Variants in SPIDR observed in about 807,000 individuals in gnomAD.
SPIDR encodes DNA repair-scaffolding protein.
Under a neutral mutation model 104.6 loss-of-function variants are expected in SPIDR, and 93 were observed. The ratio of observed to expected loss-of-function variants is 0.89; its 90% CI spans 0.75 to 1.06. The LOEUF is 1.06. SPIDR is among the 50% of genes least tolerant of loss of function. SPIDR has a pLI of 0.00. For missense variants in SPIDR, 1,154 were observed against 1,111.2 expected, an observed-to-expected ratio of 1.04 and a Z score of -0.55; for synonymous variants, 431 against 416.9, an observed-to-expected ratio of 1.03 and a Z score of -0.41.
chr8:47,653,720 A>C (rs906255104), intron 10 of SPIDR, among the ~76,000 whole-genome samples: 2 of 152,312 alleles, frequency 1.3e-5, no homozygotes, highest in Middle Eastern at 3.4e-3. Context: ...TCTATAATGC[A>C]TAAGTCTCTG....
At chr8:47,562,138 C>T (rs1319305415) in intron 8 of SPIDR, among the ~76,000 whole-genome samples, 2 of 152,214 alleles carry the variant, frequency 1.3e-5, no homozygotes, top group Non-Finnish European at 2.9e-5. Context: ...TAGTTAACAG[C>T]TATAGCCCTA....
At chr8:47,382,446 C>T (rs1554645949) in intron 5 of SPIDR, among the ~76,000 whole-genome samples, 1 of 152,170 alleles carries the variant, frequency 6.6e-6, no homozygotes, top group East Asian at 1.9e-4. Flanking sequence ...TGGAATCTCG[C>T]TCTGTTGCCA....
At chr8:47,262,789 T>C (rs2032837018) in intron 1 of SPIDR, among the ~76,000 whole-genome samples, 1 of 152,194 alleles carries the variant, frequency 6.6e-6, no homozygotes, top group Admixed American at 6.5e-5. Flanking sequence ...TTCCACAGTA[T>C]TTCCCAGGAA....
At chr8:47,296,308 C>T (rs2154242056) in intron 5 of SPIDR, among the ~76,000 whole-genome samples, 1 of 152,180 alleles carries the variant, frequency 6.6e-6, no homozygotes, top group East Asian at 1.9e-4. Context: ...GTTGTCAGTG[C>T]TTTTAGGGTA....
intron 5 of SPIDR, among the ~76,000 whole-genome samples, chr8:47,366,562 T>G (rs2057249182): frequency 6.6e-6 from 1 of 152,144 alleles, no homozygotes; most frequent in East Asian, 1.9e-4. Flanking sequence ...GTTGTTAAGA[T>G]TGGTTGTTGA....
At chr8:47,592,406 G>A in intron 8 of SPIDR, 1 of 1,418,630 alleles carries the variant, frequency 7.0e-7, no homozygotes, top group Non-Finnish European at 1.0e-6. Context: ...CATACTGTAG[G>A]GGCTGCCATT....
chr8:47,302,273 C>G (rs1193880152), intron 5 of SPIDR, among the ~76,000 whole-genome samples: 5 of 152,182 alleles, frequency 3.3e-5, no homozygotes, highest in Admixed American at 3.3e-4. Context: ...ACGTAGTTCT[C>G]GTGCTGTGGT....
chr8:47,337,978 A>G (rs982354620), intron 5 of SPIDR, among the ~76,000 whole-genome samples: 1 of 151,868 alleles, frequency 6.6e-6, no homozygotes, highest in Non-Finnish European at 1.5e-5. Context: ...ACCTTAATTA[A>G]TGTAATTTTA....
At chr8:47,457,481 A>G (rs2154351608) in intron 8 of SPIDR, among the ~76,000 whole-genome samples, 1 of 152,168 alleles carries the variant, frequency 6.6e-6, no homozygotes, top group South Asian at 2.1e-4. Context: ...AGTTCCTTGT[A>G]GATTCTGGAT....
chr8:47,574,914 G>T (rs147364245), intron 8 of SPIDR, among the ~76,000 whole-genome samples: 2 of 152,170 alleles, frequency 1.3e-5, no homozygotes, highest in East Asian at 1.9e-4. Context: ...GATTTGTGAT[G>T]ATCTGAATCT....
chr8:47,320,079 G>T (rs1445041791), intron 5 of SPIDR, among the ~76,000 whole-genome samples: 1 of 151,922 alleles, frequency 6.6e-6, no homozygotes, highest in African/African-American at 2.4e-5. Flanking sequence ...CTAGCAGAAG[G>T]CAAGAAATAA....
chr8:47,361,982 T>G (rs554891935), intron 5 of SPIDR, among the ~76,000 whole-genome samples: 60 of 152,318 alleles, frequency 3.9e-4, no homozygotes, highest in African/African-American at 1.3e-3. Context: ...CACATTTTTT[T>G]CAGCCCTTGA....
At chr8:47,313,898 T>C (rs1433129403) in intron 5 of SPIDR, among the ~76,000 whole-genome samples, 3 of 152,192 alleles carry the variant, frequency 2.0e-5, no homozygotes. Flanking sequence ...AAAACATACT[T>C]TCTAGCTAAG....
chr8:47,375,470 G>A (rs1554641829), intron 5 of SPIDR, among the ~76,000 whole-genome samples: 1 of 151,494 alleles, frequency 6.6e-6, no homozygotes, highest in African/African-American at 2.4e-5. Context: ...TCGAACTCCT[G>A]ACCTCATGAT....
rs909712145 is a variant in SPIDR at position 47,296,472 on chromosome 8, C to T, written c.525+2442C>T. ...TGTGAGATAAGGGTCTAATTTCTTTCTTTTGCATGTGGTTAACCTGTTTTC... is the reference window on the plus strand; with the variant it reads ...TGTGAGATAAGGGTCTAATTTCTTTTTTTTGCATGTGGTTAACCTGTTTTC... On this transcript the variant is annotated intron_variant, in intron 5 of 19. Coordinates refer to ENST00000297423, the MANE Select transcript of SPIDR (RefSeq NM_001080394.4). Among the ~76,000 whole-genome samples, 6 of 152,198 alleles carry T rather than the reference C, an allele frequency of 3.9e-5. No homozygotes were observed. In the Middle Eastern group the frequency reaches 0.017, roughly 431 times the overall value.
At chr8:47,482,377 G>A (rs1223436127) in intron 8 of SPIDR, among the ~76,000 whole-genome samples, 1 of 152,104 alleles carries the variant, frequency 6.6e-6, no homozygotes. Flanking sequence ...GGAGGTTTCA[G>A]TGAGCTCAGA....
At chr8:47,539,199 T>C (rs2087593756) in intron 8 of SPIDR, among the ~76,000 whole-genome samples, 1 of 152,132 alleles carries the variant, frequency 6.6e-6, no homozygotes, top group Admixed American at 6.5e-5. Context: ...AGAGATGTGA[T>C]AGATAAAGAG....
intron 14 of SPIDR, among the ~76,000 whole-genome samples, chr8:47,704,994 C>CCAGG (rs2080866402): frequency 6.6e-6 from 1 of 152,212 alleles, no homozygotes; most frequent in Non-Finnish European, 1.5e-5. Flanking sequence ...GGGTCATGGG[C>CCAGG]CAGGCGGTGG....
At chr8:47,650,844 GAT>G (rs1163762758) in intron 10 of SPIDR, among the ~76,000 whole-genome samples, 1 of 152,068 alleles carries the variant, frequency 6.6e-6, no homozygotes, top group Non-Finnish European at 1.5e-5. Context: ...TAAAAACATA[GAT>G]TAGGGGAAGG....
Sources: gnomAD v4.1 joint callset for allele counts (sites outside exome capture counted in the v4.1 genomes callset) on GRCh38, gnomAD v4.1.1 for gene constraint, MANE v1.5 for transcripts, NCBI Gene and HGNC (gene_info 2026-07-23, HGNC 2026-07-21) for gene names.